JAK1: variants seen among roughly 807,000 people sequenced by gnomAD.
The protein encoded by JAK1 is Janus kinase 1.
JAK1 carries 16 observed loss-of-function variants against 136.6 expected under a neutral mutation model. The ratio of observed to expected loss-of-function variants is 0.12; its 90% CI spans 0.08 to 0.18. The LOEUF is 0.18. Among genes scored for constraint, JAK1 ranks in the 10% least tolerant of loss-of-function variants. JAK1 has a pLI of 1.00. For synonymous variants in JAK1, 492 were observed against 519.5 expected, an observed-to-expected ratio of 0.95 and a Z score of 0.72; for missense variants, 859 against 1,450.1, an observed-to-expected ratio of 0.59 and a Z score of 6.62.
At position 64,855,607 on chromosome 1, in the gene JAK1, G is replaced by A; in HGVS notation, c.1550C>T (p.Pro517Leu). ...GTGGCTCATGAGGTCTCCCAAGCTGGGGAAGCTGCGGTCCGAACCGTGCAG... is the reference window on the plus strand; with the variant it reads ...GTGGCTCATGAGGTCTCCCAAGCTGAGGAAGCTGCGGTCCGAACCGTGCAG... ...YSLHGSDRSF[P>L]SLGDLMSHLK... Residue 517 changes from proline (P) to leucine (L), a missense_variant, in exon 11 of 25, where the codon CCC (proline) becomes CTC (leucine). Pro to Leu is a moderately conservative substitution (Grantham distance 98, BLOSUM62 -3). This residue lies in a region of JAK1 where 409 missense variants were observed against 753.8 expected (regional missense o/e 0.54). Transcript: ENST00000342505. 4.3e-6 allele frequency: 7 copies of A among 1,614,148 alleles called. No homozygotes were observed. Among genetic ancestry groups the A allele is most frequent in the Non-Finnish European group, 5.9e-6 (7 of 1,180,020 alleles).
At position 64,978,721 on chromosome 1, in the gene JAK1, G is replaced by C. The variant is rs193218447; in HGVS notation, c.-78+65759C>G. 2.0e-5 allele frequency among the ~76,000 whole-genome samples: 3 copies of C among 152,204 alleles called. No homozygotes were observed. In the East Asian group the frequency reaches 5.8e-4, roughly 29 times the overall value. On this transcript the variant is annotated intron_variant, in intron 2 of 25. Coordinates refer to the JAK1 transcript ENST00000671954. ...ATAACAAGGCTTATTCTACTCCTGGGATTTAGTATACTGTATTAATAATTT... is the reference window on the plus strand; with the variant it reads ...ATAACAAGGCTTATTCTACTCCTGGCATTTAGTATACTGTATTAATAATTT...
chr1:64,994,497 C>T (rs902094983), intron 2 of JAK1, among the ~76,000 whole-genome samples: 1 of 152,128 alleles, frequency 6.6e-6, no homozygotes, highest in Non-Finnish European at 1.5e-5. Context: ...TCTGCTGCAT[C>T]TTACCATGAC....
intron 2 of JAK1, among the ~76,000 whole-genome samples, chr1:65,031,480 AAAG>A (rs1253480369): frequency 2.0e-5 from 3 of 152,224 alleles, no homozygotes; most frequent in African/African-American, 7.2e-5. Flanking sequence ...CTTCCAGATT[AAAG>A]AAGATTACAG....
intron 6 of JAK1, among the ~76,000 whole-genome samples, chr1:64,868,730 C>T (rs1656869770): frequency 6.6e-6 from 1 of 152,136 alleles, no homozygotes. Flanking sequence ...ATCCTAATAG[C>T]CCACTGGTGA....
chr1:64,946,652 G>T (rs1447414269), intron 1 of JAK1, among the ~76,000 whole-genome samples: 3 of 152,002 alleles, frequency 2.0e-5, no homozygotes, highest in African/African-American at 7.3e-5. Flanking sequence ...AGTTAATTAC[G>T]GGCAGTTTTT....
At chr1:64,884,605 T>G (rs1434577783) in intron 2 of JAK1, among the ~76,000 whole-genome samples, 2 of 152,164 alleles carry the variant, frequency 1.3e-5, no homozygotes, top group African/African-American at 4.8e-5. Context: ...GCTGTCAGTG[T>G]TACTGTATCC....
chr1:64,887,859 G>C (rs1198813878), intron 1 of JAK1, among the ~76,000 whole-genome samples: 1 of 152,180 alleles, frequency 6.6e-6, no homozygotes, highest in Non-Finnish European at 1.5e-5. Context: ...CTCTCCCGTT[G>C]CTTGAACAGG....
At position 64,982,102 on chromosome 1, in the gene JAK1, G is replaced by A. The variant is rs189062899; in HGVS notation, c.-78+62378C>T. 2.1e-4 allele frequency among the ~76,000 whole-genome samples: 27 copies of A among 129,632 alleles called. No homozygotes were observed. The East Asian group carries it at 2.4e-3, about 12-fold the overall frequency. The allele number at this position is 129,632 out of a possible 152,430, so 85.0% of individuals were successfully genotyped here. Reference sequence around the variant, plus strand: ...TTAAATAACACACACACACACACACGCACACACACACGCACACACACGCAC... The same window carrying A: ...TTAAATAACACACACACACACACACACACACACACACGCACACACACGCAC... On this transcript the variant is annotated intron_variant, in intron 2 of 25. Transcript: ENST00000671954.
intron 1 of JAK1, among the ~76,000 whole-genome samples, chr1:64,937,194 T>A (rs1276616873): frequency 2.0e-5 from 3 of 152,144 alleles, no homozygotes; most frequent in Non-Finnish European, 4.4e-5. Flanking sequence ...CTTTGACAAC[T>A]CTAGCTTCAG....
intron 1 of JAK1, among the ~76,000 whole-genome samples, chr1:64,936,640 G>A (rs1645793946): frequency 1.3e-5 from 2 of 152,112 alleles, no homozygotes; most frequent in Non-Finnish European, 2.9e-5. Flanking sequence ...CAGTAGCCAG[G>A]GTGTAAGCCC....
chr1:64,957,800 C>T (rs1010681425), intron 1 of JAK1, among the ~76,000 whole-genome samples: 2 of 152,270 alleles, frequency 1.3e-5, no homozygotes, highest in South Asian at 2.1e-4. Flanking sequence ...AAAAATTAGC[C>T]GGGCGCGGTG....
intron 1 of JAK1, among the ~76,000 whole-genome samples, chr1:64,958,293 A>T (rs1198644872): frequency 1.3e-5 from 2 of 152,158 alleles, no homozygotes; most frequent in African/African-American, 2.4e-5. Flanking sequence ...CTTCCAACCA[A>T]CCCAAGTGAA....
intron 2 of JAK1, chr1:64,991,708 T>G (rs1165032277): frequency 6.6e-6 from 1 of 152,212 alleles, no homozygotes; most frequent in African/African-American, 2.4e-5. Flanking sequence ...ACAAGAAACC[T>G]ACTTGAACTA....
chr1:64,918,698 A>ACAG, intron 1 of JAK1: 1 of 178,846 alleles, frequency 5.6e-6, no homozygotes, highest in Non-Finnish European at 1.2e-5. Context: ...GAAATGTTTC[A>ACAG]CTATAAAGCT....
At chr1:64,862,910 T>C (rs1448802453) in intron 8 of JAK1, among the ~76,000 whole-genome samples, 3 of 152,302 alleles carry the variant, frequency 2.0e-5, no homozygotes, top group Non-Finnish European at 2.9e-5. Flanking sequence ...TCATTTCAAG[T>C]AGAGCTGATG....
chr1:64,914,614 A>G (rs1370117555), intron 1 of JAK1, among the ~76,000 whole-genome samples: 2 of 152,292 alleles, frequency 1.3e-5, no homozygotes, highest in East Asian at 3.9e-4. Context: ...CCCAGGCTGG[A>G]GCGCAGTGGC....
Position 64,950,185 on chromosome 1 carries a change from G to A in JAK1, c.-78+16148C>T, listed in dbSNP as rs567404290. Among the ~76,000 whole-genome samples, 378 of 152,260 alleles carry A rather than the reference G, an allele frequency of 2.5e-3. 2 individuals carry two copies. The highest frequency in any genetic ancestry group is 8.5e-3 in the African/African-American group (354 of 41,550). On this transcript the variant is annotated intron_variant, in intron 1 of 24. Transcript: ENST00000342505. ...AGCACTTTGGCGGGCCAAGGCGGGC[G>A]GATCACAAGGTCAGGAGATCGAGAC...
At chr1:64,966,047 G>C in intron 1 of JAK1, among the ~76,000 whole-genome samples, 1 of 151,430 alleles carries the variant, frequency 6.6e-6, no homozygotes, top group African/African-American at 2.4e-5. Flanking sequence ...ATGAAAACTT[G>C]CCGTGCGCGC....
chr1:64,986,000 G>T lies in JAK1; in HGVS notation c.-78+58480C>A. 3.0e-6 allele frequency: 4 copies of T among 1,331,360 alleles called. No homozygotes were observed. In the South Asian group the frequency reaches 3.5e-5, roughly 12 times the overall value. The allele number at this position is 1,331,360 out of a possible 1,614,324, so 82.5% of individuals were successfully genotyped here. A position where few individuals can be genotyped will look rare whatever the true frequency, so the allele number is the denominator to read the frequency against. ...CCCTTATGATCATCTCAGGAGCATT[G>T]ATGACCCCAGTGTTGTAGCCAAATT... On this transcript the variant is annotated intron_variant, in intron 2 of 25. Transcript: ENST00000671954.
Sources: allele counts gnomAD v4.1 joint callset (sites outside exome capture counted in the v4.1 genomes callset), GRCh38; gene constraint gnomAD v4.1.1; regional missense constraint gnomAD v4.1.1; transcripts MANE v1.5; gene names NCBI Gene and HGNC (gene_info 2026-07-23, HGNC 2026-07-21).